RHEX: variants seen among roughly 807,000 people sequenced by gnomAD.
The protein encoded by RHEX is regulator of hemoglobinization and erythroid cell expansion.
Under a neutral mutation model 20.1 loss-of-function variants are expected in RHEX, and 18 were observed. The ratio of observed to expected loss-of-function variants is 0.90; its 90% CI spans 0.62 to 1.33. RHEX has a LOEUF of 1.33. Ranked by LOEUF, RHEX falls within the 40% of genes most tolerant of loss-of-function variation. The pLI, the probability that RHEX is intolerant of heterozygous loss-of-function variation, is 0.00. For missense variants in RHEX, 192 were observed against 214.3 expected, an observed-to-expected ratio of 0.90 and a Z score of 0.65; for synonymous variants, 87 against 77.1, an observed-to-expected ratio of 1.13 and a Z score of -0.67.
chr1:206,074,551 G>T (rs1320024203), intron 1 of RHEX, among the ~76,000 whole-genome samples: 1 of 152,152 alleles, frequency 6.6e-6, no homozygotes, highest in Admixed American at 6.5e-5. Flanking sequence ...GTGGTTTTTA[G>T]TATATTCACA....
chr1:206,096,768 T>TG (rs1553287715), intron 1 of RHEX, among the ~76,000 whole-genome samples: 2 of 140,178 alleles, frequency 1.4e-5, no homozygotes, highest in African/African-American at 6.4e-5. Flanking sequence ...GTCCCCTGTT[T>TG]TTTTTTTTTT....
chr1:206,070,270 G>A (rs546530000), intron 1 of RHEX, among the ~76,000 whole-genome samples: 3 of 152,240 alleles, frequency 2.0e-5, no homozygotes, highest in South Asian at 4.2e-4. Flanking sequence ...TTTCTCTCCT[G>A]CCATCCCCCT....
At chr1:206,091,524 T>C (rs1182055967) in intron 1 of RHEX, among the ~76,000 whole-genome samples, 1 of 152,206 alleles carries the variant, frequency 6.6e-6, no homozygotes, top group Non-Finnish European at 1.5e-5. Context: ...ATCCAGTACA[T>C]TTTGGCACTT....
rs1303930999 is a variant in RHEX at position 206,078,585 on chromosome 1, G to A, written c.-96-19148G>A. On this transcript the variant is annotated intron_variant, in intron 1 of 5. Transcript: ENST00000331555. ...CCAAAAAAATAAAAAATAAAATAAA[G>A]TTATATAACAAAGCCTGATATTTGT... 2.6e-5 allele frequency among the ~76,000 whole-genome samples: 4 copies of A among 152,068 alleles called. No homozygotes were observed. In the East Asian group the frequency reaches 7.7e-4, roughly 29 times the overall value.
At position 206,101,216 on chromosome 1, in the gene RHEX, G is replaced by C. The variant is rs1553288343; in HGVS notation, c.318+19G>C. On this transcript the variant is annotated intron_variant, in intron 5 of 5. Transcript: ENST00000331555. ...CTGCCAGGTAATGGATGTGCCTAGT[G>C]ATCTCAGACGAACATATGCAGTCTG... is the stretch of plus-strand genomic sequence containing the variant. The C allele has an allele frequency of 6.3e-7, 1 of 1,592,898 alleles. No individual in the cohort carries two copies.
rs549358256 is a variant in RHEX, at chr1:206,077,681, T to C, written c.-96-20052T>C. 1.2e-4 allele frequency among the ~76,000 whole-genome samples: 19 copies of C among 152,318 alleles called. No homozygotes were observed. In the South Asian group the frequency reaches 3.9e-3, roughly 32 times the overall value. ...TAGCCACACAAGGCAGGAAGATTGC[T>C]TGAGCCTGGGAACTCAAGGCTACAA... On this transcript the variant is annotated intron_variant, in intron 1 of 5. Coordinates refer to ENST00000331555, the MANE Select transcript of RHEX (RefSeq NM_001007544.4).
At chr1:206,092,775 G>A (rs1485572291) in intron 1 of RHEX, among the ~76,000 whole-genome samples, 4 of 152,026 alleles carry the variant, frequency 2.6e-5, no homozygotes, top group East Asian at 1.9e-4. Flanking sequence ...GTTTATTTGT[G>A]TTTCCTCCTT....
Position 206,067,753 on chromosome 1 carries a change from C to T in RHEX, c.-97+14488C>T, listed in dbSNP as rs1003853947. On this transcript the variant is annotated intron_variant, in intron 1 of 5. Transcript: ENST00000331555. This position sits in a 1 kb window ranked among gnomAD's most constrained non-coding sequence, Gnocchi z 4.6. ...GAAAACTTCCCTCCAGTCCCTGCCT[C>T]TTTGCAGACAGCCCCTTCTCTGCCG... is the stretch of plus-strand genomic sequence containing the variant. Among the ~76,000 whole-genome samples the T allele has an allele frequency of 1.3e-5, 2 of 152,222 alleles. No homozygotes were observed. The highest frequency in any genetic ancestry group is 2.4e-5 in the African/African-American group (1 of 41,454).
chr1:206,070,496 C>A (rs992980218), intron 1 of RHEX, among the ~76,000 whole-genome samples: 1 of 152,142 alleles, frequency 6.6e-6, no homozygotes, highest in African/African-American at 2.4e-5. Flanking sequence ...TATGTTTTAA[C>A]AAAGGCAGGG....
At chr1:206,058,940 A>G (rs1038901865) in intron 1 of RHEX, among the ~76,000 whole-genome samples, 2 of 152,000 alleles carry the variant, frequency 1.3e-5, no homozygotes, top group East Asian at 3.9e-4. Context: ...AAGCACTTTC[A>G]TGACATCCTC....
chr1:206,075,704 G>A (rs556327241), intron 1 of RHEX, among the ~76,000 whole-genome samples: 26 of 151,804 alleles, frequency 1.7e-4, no homozygotes, highest in African/African-American at 5.6e-4. Flanking sequence ...GGGTTCAAGC[G>A]ATTCTCCTGC....
intron 1 of RHEX, among the ~76,000 whole-genome samples, chr1:206,068,170 A>G (rs1662465039): frequency 6.6e-6 from 1 of 152,218 alleles, no homozygotes; most frequent in South Asian, 2.1e-4. Flanking sequence ...TTTCAATCTT[A>G]AAAGTGTCAT....
intron 1 of RHEX, among the ~76,000 whole-genome samples, chr1:206,087,966 A>C (rs1439680794): frequency 6.6e-6 from 1 of 152,230 alleles, no homozygotes; most frequent in African/African-American, 2.4e-5. Context: ...ATTTTCACCA[A>C]TTAAAAAAAT....
chr1:206,097,942 T>C lies in RHEX; in HGVS notation c.11+103T>C, dbSNP rs532062997. The C allele has an allele frequency of 2.1e-3, 2,460 of 1,196,498 alleles. 13 individuals are homozygous for C. Among genetic ancestry groups the C allele is most frequent in the Non-Finnish European group, 2.6e-3 (2,048 of 798,596 alleles). The allele number at this position is 1,196,498 out of a possible 1,614,324, so 74.1% of individuals were successfully genotyped here. A position where few individuals can be genotyped will look rare whatever the true frequency, so the allele number is the denominator to read the frequency against. ...ACCCTTCCTGGCTGCCCCAGCCTTA[T>C]TGTCCAGAGAGGCAAAGGGACCTAC... is the stretch of plus-strand genomic sequence containing the variant. On this transcript the variant is annotated intron_variant, in intron 2 of 5. Transcript: ENST00000331555.
chr1:206,084,866 A>G (rs964612699), intron 1 of RHEX, among the ~76,000 whole-genome samples: 1 of 152,206 alleles, frequency 6.6e-6, no homozygotes, highest in Non-Finnish European at 1.5e-5. Flanking sequence ...TTACAAGTCC[A>G]TGAAGCCAGC....
intron 1 of RHEX, among the ~76,000 whole-genome samples, chr1:206,089,345 A>G (rs1248044300): frequency 6.6e-6 from 1 of 152,070 alleles, no homozygotes; most frequent in African/African-American, 2.4e-5. Flanking sequence ...GCCCAGCCTT[A>G]TGTTCACTTT....
At chr1:206,077,747 T>C (rs1344763348) in intron 1 of RHEX, among the ~76,000 whole-genome samples, 1 of 152,236 alleles carries the variant, frequency 6.6e-6, no homozygotes, top group African/African-American at 2.4e-5. Context: ...TGCTTGTTGC[T>C]GCTGTTGTCT....
At chr1:206,085,714 T>G (rs1662825128) in intron 1 of RHEX, among the ~76,000 whole-genome samples, 1 of 152,192 alleles carries the variant, frequency 6.6e-6, no homozygotes, top group African/African-American at 2.4e-5. Flanking sequence ...CTTTCTCACT[T>G]TTGAATCTCA....
rs563623473 is a variant in RHEX, at chr1:206,055,187, G to A, written c.-97+1922G>A. Among the ~76,000 whole-genome samples, 9 of 152,368 alleles carry A rather than the reference G, an allele frequency of 5.9e-5. No homozygotes were observed. In the East Asian group the frequency reaches 1.5e-3, roughly 26 times the overall value. ...CTCTGCTATATCCCAAAGTCCCTGC[G>A]GGTCAGCCCCTGAGGGCCGTCCAGC... On this transcript the variant is annotated intron_variant, in intron 1 of 5. Transcript: ENST00000331555.
Sources: gnomAD v4.1 joint callset for allele counts (sites outside exome capture counted in the v4.1 genomes callset) on GRCh38, gnomAD v4.1.1 for gene constraint, Gnocchi (gnomAD v3.1) non-coding constraint, MANE v1.5 for transcripts, NCBI Gene and HGNC (gene_info 2026-07-23, HGNC 2026-07-21) for gene names.